Variants in UBA6 observed in about 807,000 individuals in gnomAD.
UBA6 encodes ubiquitin-like modifier-activating enzyme 6.
In UBA6, 87 loss-of-function variants were observed where a neutral mutation model predicts 148.3. The ratio of observed to expected loss-of-function variants is 0.59; its 90% CI spans 0.49 to 0.70. The LOEUF is 0.70. Ranked by LOEUF, UBA6 falls within the 30% of genes least tolerant of loss-of-function variation. The probability of loss-of-function intolerance (pLI) is 0.00; values close to 1 mark genes in which losing one functional copy is unlikely to be tolerated. For missense variants in UBA6, 1,186 were observed against 1,241.2 expected, an observed-to-expected ratio of 0.96 and a Z score of 0.67; for synonymous variants, 376 against 401.0, an observed-to-expected ratio of 0.94 and a Z score of 0.75.
chr4:67,699,760 G>C (rs1730930008), intron 1 of UBA6, among the ~76,000 whole-genome samples: 3 of 152,008 alleles, frequency 2.0e-5, no homozygotes, highest in South Asian at 2.1e-4. Context: ...CATCACCTAC[G>C]CCCAGCTAAT....
rs563494476 is a variant in UBA6, at chr4:67,655,149, A to C, written c.1105-5938T>G. 2.9e-4 allele frequency among the ~76,000 whole-genome samples: 44 copies of C among 152,348 alleles called. No homozygotes were observed. In the South Asian group the frequency reaches 8.9e-3, roughly 31 times the overall value. Reference sequence around the variant, plus strand: ...CAGGGCAACAAGACAGAAGGTTGACAAGGATATCCAGGACTTGAACTCAGC... The same window carrying C: ...CAGGGCAACAAGACAGAAGGTTGACCAGGATATCCAGGACTTGAACTCAGC... On this transcript the variant is annotated intron_variant, in intron 13 of 32. Coordinates refer to ENST00000322244, the MANE Select transcript of UBA6 (RefSeq NM_018227.6).
intron 18 of UBA6, among the ~76,000 whole-genome samples, chr4:67,640,369 C>A (rs1368655791): frequency 2.0e-5 from 3 of 152,192 alleles, no homozygotes; most frequent in Non-Finnish European, 4.4e-5. Flanking sequence ...TTAACTATGA[C>A]ATCTGTTTTA....
intron 11 of UBA6, 198 bp downstream of exon 11, chr4:67,663,687 T>A (rs1174951678): frequency 1.9e-6 from 1 of 512,976 alleles, no homozygotes; most frequent in East Asian, 3.1e-5. Context: ...CTTTATCATT[T>A]TTTTCTATGA....
At chr4:67,648,962 A>G in intron 14 of UBA6, 106 bp downstream of exon 14, 2 of 1,224,252 alleles carry the variant, frequency 1.6e-6, no homozygotes, top group East Asian at 2.5e-5. Context: ...TCATGCATCA[A>G]AAAGTATTTT....
chr4:67,631,897 A>G lies in UBA6; in HGVS notation c.2154T>C (p.Leu718=). 10 of 1,611,928 alleles carry G rather than the reference A, an allele frequency of 6.2e-6. No individual in the cohort carries two copies. Among genetic ancestry groups the G allele is most frequent in the Non-Finnish European group, 8.5e-6 (10 of 1,179,040 alleles). ...GTATGTCCAGAGGGAAACAGTGAAG[A>G]AGCTGAAGAGCCTAAAGAAAAAAAA... ...EKYFNHKALQ[L]LHCFPLDIRL... is the part of the protein sequence containing the mutation. The change falls in exon 24 of 33, where the codon CTT becomes CTC. Residue 718 remains leucine (L), a synonymous_variant. Transcript: ENST00000322244.
chr4:67,649,123 G>A lies in UBA6; in HGVS notation c.1193C>T (p.Ala398Val), dbSNP rs778678329. The change falls in exon 14 of 33, where the codon GCC (alanine) becomes GTC (valine). Residue 398 changes from alanine (A) to valine (V), a missense_variant. Physicochemically the swap from Ala to Val is moderately conservative, Grantham distance 64. Transcript: ENST00000322244. ...SPLAAAVGGVASQEVLKAVTG... is the reference protein window; with the variant it reads ...SPLAAAVGGVVSQEVLKAVTG... ...TACAGCTTTCAATACTTCTTGGCTG[G>A]CAACACCTCCTACTGCTGCAGCAAG... 3.1e-6 allele frequency: 5 copies of A among 1,613,886 alleles called. No individual in the cohort carries two copies. The highest frequency in any genetic ancestry group is 3.4e-6 in the Non-Finnish European group (4 of 1,179,970).
chr4:67,638,820 G>A (rs1729232767), intron 19 of UBA6, 123 bp downstream of exon 19: 2 of 624,354 alleles, frequency 3.2e-6, no homozygotes, highest in African/African-American at 3.6e-5. Context: ...TTGTGTTTGA[G>A]GAGTACTACA....
In UBA6 at chr4:67,616,687, G is replaced by A. The variant is rs28735406; in HGVS notation, c.*2310C>T. On this transcript the variant is annotated 3_prime_UTR_variant, in exon 33 of 33. Coordinates refer to ENST00000322244, the MANE Select transcript of UBA6 (RefSeq NM_018227.6). ...TGTCCTTCCACACCTAATAACTGCT[G>A]TATCTCCATGATTGCAAACTTGAAA... 6.6e-6 allele frequency: 1 copy of A among 151,890 alleles called. No individual in the cohort carries two copies. Among genetic ancestry groups the A allele is most frequent in the African/African-American group, 2.4e-5 (1 of 41,342 alleles). The allele number at this position is 151,890 out of a possible 1,614,324, so 9.4% of individuals were successfully genotyped here.
chr4:67,655,665 C>A (rs1427648697), intron 13 of UBA6, among the ~76,000 whole-genome samples: 3 of 152,044 alleles, frequency 2.0e-5, no homozygotes. Context: ...CAAAAGCTAG[C>A]AGAAGGCAAG....
At chr4:67,658,119 G>T (rs1263398952) in intron 13 of UBA6, among the ~76,000 whole-genome samples, 1 of 152,152 alleles carries the variant, frequency 6.6e-6, no homozygotes, top group Non-Finnish European at 1.5e-5. Flanking sequence ...AAACCATTGT[G>T]GAAGATAGTG....
chr4:67,675,338 T>C (rs370686524), intron 6 of UBA6, among the ~76,000 whole-genome samples: 100 of 152,350 alleles, frequency 6.6e-4, no homozygotes, highest in African/African-American at 2.3e-3. Flanking sequence ...AATAGTGTCT[T>C]ATTTGTATAT....
Position 67,614,017 on chromosome 4 carries a change from C to A in UBA6, c.*4980G>T, listed in dbSNP as rs1234140489. 5.3e-5 allele frequency: 8 copies of A among 151,958 alleles called. No individual in the cohort carries two copies. The highest frequency in any genetic ancestry group is 1.7e-4 in the African/African-American group (7 of 41,368). 9.4% of individuals were successfully genotyped at this position (151,958 alleles called of 1,614,324 possible). The stretch of plus-strand genomic sequence containing the variant: ...AAATCCAGGAGATAATCAACTAAGA[C>A]CCAGGCATCCTTTTAGGTCCAATAA... On this transcript the variant is annotated 3_prime_UTR_variant, in exon 33 of 33. Coordinates refer to ENST00000322244, the MANE Select transcript of UBA6 (RefSeq NM_018227.6).
chr4:67,678,947 T>C (rs981589988), intron 4 of UBA6, among the ~76,000 whole-genome samples: 3 of 152,094 alleles, frequency 2.0e-5, no homozygotes, highest in Admixed American at 6.6e-5. Context: ...CAAAAAGCTA[T>C]ATATACAAGA....
chr4:67,673,706 AG>A lies in UBA6; in HGVS notation c.536del (p.Pro179LeufsTer28). Reference protein sequence around the residue: ...KINDFCRSQCPPIKFISADVH... With the variant: ...KINDFCRSQCXPIKFISADVH... ...TAAATGATACAATTACCTTAATTGG[AG>A]GGCACTGAGAACGGCAAAAGTCATT... On this transcript the variant is annotated frameshift_variant, in exon 7 of 33. Coordinates refer to ENST00000322244, the MANE Select transcript of UBA6 (RefSeq NM_018227.6). LOFTEE classifies it high-confidence loss of function. 6.2e-7 allele frequency: 1 copy of A among 1,608,394 alleles called. No individual in the cohort carries two copies.
chr4:67,617,368 C>T lies in UBA6; in HGVS notation c.*1629G>A, dbSNP rs1238259592. 6.6e-6 allele frequency: 1 copy of T among 151,982 alleles called. No homozygotes were observed. The highest frequency in any genetic ancestry group is 6.6e-5 in the Admixed American group (1 of 15,246). 9.4% of individuals were successfully genotyped at this position (151,982 alleles called of 1,614,324 possible). On this transcript the variant is annotated 3_prime_UTR_variant, in exon 33 of 33. Transcript: ENST00000322244. ...ATTCCTGGATTCTGTTTTAAGTAAC[C>T]TTAGTTTTAAATATGACACTTGGGA... is the stretch of plus-strand genomic sequence containing the variant.
chr4:67,657,231 C>G (rs1441553902), intron 13 of UBA6, among the ~76,000 whole-genome samples: 1 of 152,194 alleles, frequency 6.6e-6, no homozygotes, highest in Non-Finnish European at 1.5e-5. Context: ...CCAAGACAAT[C>G]CTAAGCAAAG....
At chr4:67,639,220 C>A in intron 18 of UBA6, 96 bp from the exon 19 acceptor site, 1 of 978,854 alleles carries the variant, frequency 1.0e-6, no homozygotes, top group Non-Finnish European at 1.5e-6. Flanking sequence ...TGTGTAAGTT[C>A]AGTCATAGTC....
At chr4:67,673,657 C>A in intron 7 of UBA6, 40 bp downstream of exon 7, 1 of 1,417,110 alleles carries the variant, frequency 7.1e-7, no homozygotes, top group Non-Finnish European at 9.9e-7. Context: ...AAGTGTTCTT[C>A]CTTGGTTAAC....
intron 12 of UBA6, chr4:67,662,935 C>T (rs1729900451): frequency 2.5e-6 from 1 of 406,528 alleles, no homozygotes. Context: ...GAAAAATTCA[C>T]ATTTAGTATG....
Sources: allele counts gnomAD v4.1 joint callset (sites outside exome capture counted in the v4.1 genomes callset), GRCh38; gene constraint gnomAD v4.1.1; transcripts MANE v1.5; gene names NCBI Gene and HGNC (gene_info 2026-07-23, HGNC 2026-07-21).